NALF1: variants seen among roughly 807,000 people sequenced by gnomAD.
NALF1 encodes the protein NALCN channel auxiliary factor 1, also known as family with sequence similarity 155 member A.
NALF1 carries 3 observed loss-of-function variants against 48.4 expected under a neutral mutation model. The observed-to-expected ratio is 0.06, with a 90% CI of 0.03 to 0.16. NALF1 has a LOEUF of 0.16. Among genes scored for constraint, NALF1 ranks in the 10% least tolerant of loss-of-function variants. The probability of loss-of-function intolerance (pLI) is 1.00; values close to 1 mark genes in which losing one functional copy is unlikely to be tolerated. For missense variants in NALF1, 526 were observed against 571.5 expected (o/e 0.92, Z 0.81); for synonymous variants, 262 against 245.7 (o/e 1.07, Z -0.62).
At chr13:107,657,000 T>C (rs1366935613) in intron 1 of NALF1, among the ~76,000 whole-genome samples, 1 of 151,162 alleles carries the variant, frequency 6.6e-6, no homozygotes, top group Non-Finnish European at 1.5e-5. Context: ...TTGAGGACTG[T>C]GTGGGGGTGT....
Position 107,632,267 on chromosome 13 carries a change from ATATATT to A in NALF1, c.915+233409_915+233414del, listed in dbSNP as rs541588946. Among the ~76,000 whole-genome samples, 52 of 152,216 alleles carry A rather than the reference ATATATT, an allele frequency of 3.4e-4. 1 individual carries two copies. In the South Asian group the frequency reaches 0.01, roughly 30 times the overall value. Reference sequence around the variant, plus strand: ...TATCCTTCCATCCATCCATACACACATATATTTGACTGATTCATCTCTGCCTTTACG... The same window carrying A: ...TATCCTTCCATCCATCCATACACACATGACTGATTCATCTCTGCCTTTACG... On this transcript the variant is annotated intron_variant, in intron 1 of 2. Coordinates refer to ENST00000375915, the MANE Select transcript of NALF1 (RefSeq NM_001080396.3).
In NALF1 at chr13:107,749,896, T is replaced by C. The variant is rs189089496; in HGVS notation, c.915+115786A>G. ...ATGCAGTGGTGAGATCTTGGCTCAC[T>C]GCAACCTCCACCTCCCAGGTTCAAG... On this transcript the variant is annotated intron_variant, in intron 1 of 2. Transcript: ENST00000375915. Among the ~76,000 whole-genome samples the C allele has an allele frequency of 2.6e-5, 4 of 152,030 alleles. No individual in the cohort carries two copies. In the East Asian group the frequency reaches 7.8e-4, roughly 30 times the overall value.
At chr13:107,585,989 T>C (rs1187668922) in intron 1 of NALF1, among the ~76,000 whole-genome samples, 1 of 152,110 alleles carries the variant, frequency 6.6e-6, no homozygotes, top group African/African-American at 2.4e-5. Context: ...TTCTGCACCA[T>C]CTAATGTGAA....
chr13:107,330,424 G>A lies in NALF1; in HGVS notation c.916-119669C>T, dbSNP rs148744270. On this transcript the variant is annotated intron_variant, in intron 1 of 2. Coordinates refer to ENST00000375915, the MANE Select transcript of NALF1 (RefSeq NM_001080396.3). ...TTCCTGGTCTTATTATGAAATTGTG[G>A]GGAATCACACTCTGAATCAAACTAA... Among the ~76,000 whole-genome samples the A allele has an allele frequency of 2.6e-3, 389 of 152,180 alleles. 2 individuals are homozygous for A. Among genetic ancestry groups the A allele is most frequent in the African/African-American group, 9.1e-3 (378 of 41,534 alleles).
intron 1 of NALF1, among the ~76,000 whole-genome samples, chr13:107,671,429 ATCTATAGCTCATAAGCATAGTC>A (rs976895521): frequency 6.6e-6 from 1 of 152,102 alleles, no homozygotes; most frequent in African/African-American, 2.4e-5. Context: ...AAAGAGTCAG[ATCTATAGCTCATAAGCATAGTC>A]TCTTACACTG....
At chr13:107,742,258 C>G (rs556953473) in intron 1 of NALF1, among the ~76,000 whole-genome samples, 1 of 152,196 alleles carries the variant, frequency 6.6e-6, no homozygotes, top group Non-Finnish European at 1.5e-5. Context: ...GAGGTCTCAT[C>G]TAAAACATCA....
intron 1 of NALF1, among the ~76,000 whole-genome samples, chr13:107,841,853 T>C (rs1345432072): frequency 6.6e-6 from 1 of 152,076 alleles, no homozygotes; most frequent in African/African-American, 2.4e-5. Flanking sequence ...CAAATATTCT[T>C]GCAAAAGAAT....
chr13:107,679,176 C>T (rs931146623), intron 1 of NALF1, among the ~76,000 whole-genome samples: 7 of 152,076 alleles, frequency 4.6e-5, no homozygotes, highest in African/African-American at 2.4e-5. Context: ...ATAATTGCAT[C>T]TAAAATTTAA....
At chr13:107,351,086 G>A (rs1426427862) in intron 1 of NALF1, among the ~76,000 whole-genome samples, 1 of 152,162 alleles carries the variant, frequency 6.6e-6, no homozygotes, top group Admixed American at 6.5e-5. Flanking sequence ...TCAGTGGCCG[G>A]TAAACCTTCC....
At chr13:107,795,856 A>G (rs568517046) in intron 1 of NALF1, among the ~76,000 whole-genome samples, 1 of 152,314 alleles carries the variant, frequency 6.6e-6, no homozygotes, top group African/African-American at 2.4e-5. Context: ...TTATGCCAAT[A>G]GCAGTGAGGA....
chr13:107,545,684 G>A (rs968619512), intron 1 of NALF1, among the ~76,000 whole-genome samples: 7 of 152,014 alleles, frequency 4.6e-5, no homozygotes, highest in African/African-American at 1.2e-4. Context: ...GACGTACGAC[G>A]CATCCCAATG....
chr13:107,698,648 C>T (rs1194012468), intron 1 of NALF1, among the ~76,000 whole-genome samples: 2 of 152,068 alleles, frequency 1.3e-5, no homozygotes, highest in South Asian at 2.1e-4. Flanking sequence ...AAATATCATT[C>T]TCTGAGATCA....
chr13:107,670,848 A>T (rs1880973736), intron 1 of NALF1, among the ~76,000 whole-genome samples: 1 of 152,126 alleles, frequency 6.6e-6, no homozygotes, highest in African/African-American at 2.4e-5. Flanking sequence ...GGTAGAGTTA[A>T]AATTTGGAAG....
Position 107,866,186 on chromosome 13 carries a change from G to T in NALF1, c.411C>A (p.Asp137Glu). 6.2e-7 allele frequency: 1 copy of T among 1,603,060 alleles called. No homozygotes were observed. ...SSPTLPPSPGDGGGGGGKGNR... is the reference protein window; with the variant it reads ...SSPTLPPSPGEGGGGGGKGNR... ...TGCCCTTGCCGCCGCCGCCGCCGCC[G>T]TCTCCCGGGGAGGGGGGCAGGGTGG... The change falls in exon 1 of 3, where the codon GAC becomes GAA. Residue 137 changes from aspartate (D) to glutamate (E), a missense_variant. By Grantham distance (45) the Asp-to-Glu change is conservative. Transcript: ENST00000375915. This position sits in a 1 kb window ranked among gnomAD's most constrained non-coding sequence, Gnocchi z 4.4.
At chr13:107,583,870 C>T (rs997157906) in intron 1 of NALF1, among the ~76,000 whole-genome samples, 1 of 152,088 alleles carries the variant, frequency 6.6e-6, no homozygotes, top group African/African-American at 2.4e-5. Context: ...TTCCCTGGCC[C>T]TGTTTCTCTC....
chr13:107,424,218 A>G (rs888281502), intron 1 of NALF1, among the ~76,000 whole-genome samples: 3 of 152,162 alleles, frequency 2.0e-5, no homozygotes, highest in African/African-American at 7.2e-5. Flanking sequence ...GTTCACTGCA[A>G]TCTCCACCTC....
intron 2 of NALF1, among the ~76,000 whole-genome samples, chr13:107,187,586 A>AAAG (rs1323641405): frequency 6.6e-6 from 1 of 152,316 alleles, no homozygotes; most frequent in South Asian, 2.1e-4. Context: ...ATGTTTGTTG[A>AAAG]AAGAAGAACC....
intron 1 of NALF1, among the ~76,000 whole-genome samples, chr13:107,830,999 T>C (rs968012775): frequency 6.6e-6 from 1 of 152,234 alleles, no homozygotes; most frequent in Non-Finnish European, 1.5e-5. Context: ...GACCTCACTC[T>C]GGCTGTGCGG....
intron 1 of NALF1, among the ~76,000 whole-genome samples, chr13:107,350,413 T>A (rs1285504667): frequency 2.0e-5 from 3 of 152,200 alleles, no homozygotes; most frequent in Non-Finnish European, 2.9e-5. Context: ...AATATTCTTT[T>A]TAAGAGTTAA....
Sources: gnomAD v4.1 joint callset for allele counts (sites outside exome capture counted in the v4.1 genomes callset) on GRCh38, gnomAD v4.1.1 for gene constraint, Gnocchi (gnomAD v3.1) non-coding constraint, MANE v1.5 for transcripts, NCBI Gene and HGNC (gene_info 2026-07-23, HGNC 2026-07-21) for gene names.